RBFOX3: variants seen among roughly 807,000 people sequenced by gnomAD.
The protein encoded by RBFOX3 is RNA binding fox-1 homolog 3, also known as RNA binding protein fox-1 homolog 3.
In RBFOX3, 17 loss-of-function variants were observed where a neutral mutation model predicts 48.7. The ratio of observed to expected loss-of-function variants is 0.35; its 90% CI spans 0.24 to 0.52. The LOEUF is 0.52. RBFOX3 is among the 20% of genes least tolerant of loss of function. The pLI, the probability that RBFOX3 is intolerant of heterozygous loss-of-function variation, is 0.94. For synonymous variants in RBFOX3, 212 were observed against 209.5 expected, an observed-to-expected ratio of 1.01 and a Z score of -0.10; for missense variants, 382 against 497.5, an observed-to-expected ratio of 0.77 and a Z score of 2.21.
rs74000034 is a variant in RBFOX3 at position 79,400,513 on chromosome 17, C to T, written c.-175+81941G>A. ...CAAAGGCTGTTTCCAGATAAGGTCA[C>T]GTTCACAGGTACCAGAGGTTGGCGC... On this transcript the variant is annotated intron_variant, in intron 2 of 14. Coordinates refer to ENST00000693108, the MANE Select transcript of RBFOX3 (RefSeq NM_001350451.2). Among the ~76,000 whole-genome samples the T allele has an allele frequency of 3.2e-3, 482 of 152,304 alleles. 1 individual carries two copies. The highest frequency in any genetic ancestry group is 0.02 in the Middle Eastern group (6 of 294).
chr17:79,241,082 C>T (rs1476561291), intron 3 of RBFOX3, among the ~76,000 whole-genome samples: 2 of 152,158 alleles, frequency 1.3e-5, no homozygotes, highest in South Asian at 2.1e-4. Context: ...TTTAAGTCAC[C>T]TTCCCACCTT....
intron 1 of RBFOX3, among the ~76,000 whole-genome samples, chr17:79,497,933 T>A (rs1279289490): frequency 6.6e-6 from 1 of 152,202 alleles, no homozygotes; most frequent in Non-Finnish European, 1.5e-5. Flanking sequence ...GGCCCTGGCC[T>A]TGGACCAGAC....
intron 1 of RBFOX3, among the ~76,000 whole-genome samples, chr17:79,551,375 C>A (rs2091127222): frequency 6.6e-6 from 1 of 151,890 alleles, no homozygotes; most frequent in South Asian, 2.1e-4. Flanking sequence ...AAATGCAATC[C>A]CCAATGTTGG....
rs1416867673 is a variant in RBFOX3 at position 79,405,158 on chromosome 17, T to C, written c.-175+77296A>G. On this transcript the variant is annotated intron_variant, in intron 2 of 14. Coordinates refer to ENST00000693108, the MANE Select transcript of RBFOX3 (RefSeq NM_001350451.2). The stretch of plus-strand genomic sequence containing the variant: ...TTTATCACCAATATATTCGAACATA[T>C]GGAAAAGCTGAGGAGTTTGACGGTG... 2.0e-5 allele frequency among the ~76,000 whole-genome samples: 3 copies of C among 152,118 alleles called. No homozygotes were observed. In the East Asian group the frequency reaches 5.8e-4, roughly 29 times the overall value.
intron 4 of RBFOX3, chr17:79,183,604 CAG>C (rs1161871398): frequency 6.6e-6 from 1 of 152,352 alleles, no homozygotes; most frequent in African/African-American, 2.4e-5. Context: ...AGAATACGGC[CAG>C]AGAGTCTGTG....
intron 1 of RBFOX3, chr17:79,598,783 C>T (rs2093633361): frequency 6.6e-6 from 1 of 152,084 alleles, no homozygotes; most frequent in Admixed American, 6.5e-5. Flanking sequence ...TGGACTCTTG[C>T]CTTCCTTTTT....
intron 4 of RBFOX3, among the ~76,000 whole-genome samples, chr17:79,179,403 C>T (rs973343392): frequency 1.1e-4 from 16 of 152,314 alleles, no homozygotes; most frequent in Middle Eastern, 3.4e-3. Flanking sequence ...TGATGTTTAC[C>T]TCAGCAAGGG....
chr17:79,454,940 C>G (rs1228356616), intron 2 of RBFOX3, among the ~76,000 whole-genome samples: 3 of 152,250 alleles, frequency 2.0e-5, no homozygotes, highest in Non-Finnish European at 4.4e-5. Flanking sequence ...CCTGCACCCA[C>G]TCAGACTGGG....
intron 2 of RBFOX3, among the ~76,000 whole-genome samples, chr17:79,409,213 C>T (rs976930990): frequency 9.9e-5 from 15 of 152,216 alleles, no homozygotes; most frequent in African/African-American, 2.7e-4. Context: ...CACTCCCTTG[C>T]GTGGCCCTAC....
chr17:79,246,347 G>A (rs562515476), intron 3 of RBFOX3, among the ~76,000 whole-genome samples: 21 of 152,352 alleles, frequency 1.4e-4, no homozygotes, highest in East Asian at 7.7e-4. Context: ...CCGACTGCTC[G>A]TGGACTGTGG....
chr17:79,606,972 GAGC>G (rs1417257506), intron 1 of RBFOX3, among the ~76,000 whole-genome samples: 1 of 152,198 alleles, frequency 6.6e-6, no homozygotes, highest in Non-Finnish European at 1.5e-5. Flanking sequence ...ATGGCTCAGG[GAGC>G]AACCTTCTTC....
At chr17:79,584,610 G>A (rs2093179968) in intron 1 of RBFOX3, among the ~76,000 whole-genome samples, 3 of 152,038 alleles carry the variant, frequency 2.0e-5, no homozygotes, top group Admixed American at 2.0e-4. Context: ...CAAAATAATG[G>A]CATTCACAGC....
intron 2 of RBFOX3, among the ~76,000 whole-genome samples, chr17:79,438,357 C>A (rs1376067950): frequency 2.6e-5 from 4 of 152,232 alleles, no homozygotes; most frequent in Non-Finnish European, 5.9e-5. Context: ...AAGTAAAACC[C>A]ACCCTGTTTT....
intron 2 of RBFOX3, among the ~76,000 whole-genome samples, chr17:79,455,827 C>T (rs2074375667): frequency 1.3e-5 from 2 of 152,200 alleles, no homozygotes; most frequent in South Asian, 4.1e-4. Flanking sequence ...GCACCCTTGA[C>T]ACCTGCAGCG....
chr17:79,266,346 T>A (rs2066702790), intron 3 of RBFOX3, among the ~76,000 whole-genome samples: 1 of 152,192 alleles, frequency 6.6e-6, no homozygotes. Context: ...CTTGTTTGCT[T>A]CAGCTTCTGA....
intron 2 of RBFOX3, among the ~76,000 whole-genome samples, chr17:79,315,495 C>T (rs113961329): frequency 0.016 from 2,435 of 152,348 alleles, 32 homozygotes; most frequent in African/African-American, 0.033. Flanking sequence ...AGATGGGACC[C>T]GCAGGGGTAG....
Position 79,097,721 on chromosome 17 carries a change from C to A in RBFOX3, c.593G>T (p.Gly198Val). The A allele has an allele frequency of 3.9e-6, 6 of 1,551,132 alleles. No homozygotes were observed. The highest frequency in any genetic ancestry group is 5.2e-6 in the Non-Finnish European group (6 of 1,146,812). ...TNGWKLNPVVGAVYGPEFYAV... is the reference protein window; with the variant it reads ...TNGWKLNPVVVAVYGPEFYAV... Reference sequence around the variant, plus strand: ...ATAGAATTCAGGCCCGTAGACTGCGCCGACCACTGGATTTAGCTTCCAGCC... The same window carrying A: ...ATAGAATTCAGGCCCGTAGACTGCGACGACCACTGGATTTAGCTTCCAGCC... The change falls in exon 10 of 15, where the codon GGC becomes GTC. Residue 198 changes from glycine (G) to valine (V), a missense_variant. This residue lies in a region of RBFOX3 where 215 missense variants were observed against 254.8 expected (regional missense o/e 0.84). Coordinates refer to ENST00000693108, the MANE Select transcript of RBFOX3 (RefSeq NM_001350451.2).
chr17:79,310,018 C>T (rs2076625290), intron 2 of RBFOX3, among the ~76,000 whole-genome samples: 3 of 152,184 alleles, frequency 2.0e-5, no homozygotes, highest in Admixed American at 1.3e-4. Flanking sequence ...ACGGAAGTTT[C>T]CCGAGGACAC....
chr17:79,328,812 T>C (rs1251860041), intron 2 of RBFOX3, among the ~76,000 whole-genome samples: 1 of 152,152 alleles, frequency 6.6e-6, no homozygotes, highest in African/African-American at 2.4e-5. Context: ...AAAATTAAAT[T>C]CTTGGCTTGG....
Sources: allele counts gnomAD v4.1 joint callset (sites outside exome capture counted in the v4.1 genomes callset), GRCh38; gene constraint gnomAD v4.1.1; regional missense constraint gnomAD v4.1.1; transcripts MANE v1.5; gene names NCBI Gene and HGNC (gene_info 2026-07-23, HGNC 2026-07-21).